The following HIVEP3 variants were observed in gnomAD, a reference collection of about 807,000 sequenced individuals.
HIVEP3 encodes HIVEP zinc finger 3.
HIVEP3 carries 49 observed loss-of-function variants against 152.8 expected under a neutral mutation model. The ratio of observed to expected loss-of-function variants is 0.32; its 90% CI spans 0.26 to 0.41. HIVEP3 has a LOEUF of 0.41. Among genes scored for constraint, HIVEP3 ranks in the 10% least tolerant of loss-of-function variants. HIVEP3 has a pLI of 1.00. For synonymous variants in HIVEP3, 1,269 were observed against 1,289.0 expected (o/e 0.98, Z 0.33); for missense variants, 2,790 against 3,103.3 (o/e 0.90, Z 2.40).
intron 5 of HIVEP3, among the ~76,000 whole-genome samples, chr1:41,552,336 T>C (rs1362742219): frequency 3.3e-5 from 5 of 149,840 alleles, no homozygotes. Flanking sequence ...CATCTAGCAT[T>C]AGGTATATCT....
chr1:42,034,759 T>G (rs1645631774), intron 1 of HIVEP3, among the ~76,000 whole-genome samples: 3 of 152,170 alleles, frequency 2.0e-5, no homozygotes, highest in Admixed American at 2.0e-4. Context: ...TAAACCTCAG[T>G]GTTTTTCTTA....
At chr1:42,003,865 C>G (rs1221669592) in intron 1 of HIVEP3, among the ~76,000 whole-genome samples, 1 of 151,720 alleles carries the variant, frequency 6.6e-6, no homozygotes, top group Non-Finnish European at 1.5e-5. Flanking sequence ...CTGGGGGAGA[C>G]ATAAGCTTGA....
intron 1 of HIVEP3, among the ~76,000 whole-genome samples, chr1:41,866,492 G>A (rs961264598): frequency 2.0e-5 from 3 of 152,340 alleles, no homozygotes; most frequent in African/African-American, 7.2e-5. Flanking sequence ...CAGGCTGCTT[G>A]CCAAGGATTC....
chr1:41,611,097 G>A (rs1644890677), intron 3 of HIVEP3, among the ~76,000 whole-genome samples: 1 of 152,214 alleles, frequency 6.6e-6, no homozygotes, highest in Admixed American at 6.5e-5. Context: ...GTGACCCTTT[G>A]AGAAAATTAC....
chr1:41,834,200 G>A (rs1181226320), intron 1 of HIVEP3, among the ~76,000 whole-genome samples: 3 of 152,194 alleles, frequency 2.0e-5, no homozygotes, highest in African/African-American at 7.2e-5. Flanking sequence ...TTGGGGACAG[G>A]AGGGGTGATG....
chr1:41,822,989 A>G (rs535451631), intron 1 of HIVEP3, among the ~76,000 whole-genome samples: 4 of 152,376 alleles, frequency 2.6e-5, no homozygotes, highest in African/African-American at 9.6e-5. Flanking sequence ...CTAACTCTCA[A>G]TGTGACTTTA....
At chr1:41,786,914 G>A (rs1044284977) in intron 1 of HIVEP3, among the ~76,000 whole-genome samples, 4 of 151,906 alleles carry the variant, frequency 2.6e-5, no homozygotes, top group African/African-American at 9.7e-5. Context: ...ACCACGTCCA[G>A]CTAATTTTTG....
chr1:41,582,376 T>C lies in HIVEP3; in HGVS notation c.2422A>G (p.Lys808Glu), dbSNP rs1644427043. ...SVIQHTSSFE[K>E]SDSLEQPSGL... ...CTCGGCTGCTCGAGAGAATCAGATTTCTCAAAGGAGCTGGTGTGCTGGATG... is the reference window on the plus strand; with the variant it reads ...CTCGGCTGCTCGAGAGAATCAGATTCCTCAAAGGAGCTGGTGTGCTGGATG... Residue 808 changes from lysine to glutamate, a missense_variant, in exon 4 of 9, where the codon AAA (lysine) becomes GAA (glutamate). Physicochemically the swap from Lys to Glu is moderately conservative, Grantham distance 56 (BLOSUM62 1). Around this residue, in one of 9 missense-constraint regions of HIVEP3, gnomAD observed 1,078 missense variants for 1,165.3 expected, o/e 0.93. Coordinates refer to ENST00000372583, the MANE Select transcript of HIVEP3 (RefSeq NM_024503.5). This position sits in a 1 kb window ranked among gnomAD's most constrained non-coding sequence, Gnocchi z 4.7. 6.2e-7 allele frequency: 1 copy of C among 1,614,074 alleles called. No homozygotes were observed. The highest frequency in any genetic ancestry group is 1.7e-5 in the Admixed American group (1 of 60,004).
At chr1:41,896,156 C>A (rs1012219105) in intron 1 of HIVEP3, among the ~76,000 whole-genome samples, 11 of 152,090 alleles carry the variant, frequency 7.2e-5, no homozygotes, top group African/African-American at 2.7e-4. Context: ...TGACATGTGG[C>A]GAATCCCTGG....
chr1:41,889,703 G>A (rs1181069309), intron 1 of HIVEP3, among the ~76,000 whole-genome samples: 1 of 152,200 alleles, frequency 6.6e-6, no homozygotes, highest in Admixed American at 6.5e-5. Context: ...GCCCTGTGGG[G>A]AATGAGGGCA....
intron 1 of HIVEP3, among the ~76,000 whole-genome samples, chr1:41,941,773 T>C (rs552627602): frequency 6.6e-6 from 1 of 152,332 alleles, no homozygotes; most frequent in East Asian, 1.9e-4. Context: ...GAAGAAGCCA[T>C]GAATTGCCCA....
intron 1 of HIVEP3, among the ~76,000 whole-genome samples, chr1:41,740,811 C>T (rs551368424): frequency 6.6e-6 from 1 of 152,158 alleles, no homozygotes. Flanking sequence ...ACCATTCATC[C>T]ACAGATGTGT....
chr1:41,837,899 T>C (rs944442407), intron 1 of HIVEP3, among the ~76,000 whole-genome samples: 3 of 152,136 alleles, frequency 2.0e-5, no homozygotes, highest in Non-Finnish European at 2.9e-5. Context: ...CCTTCTATCT[T>C]AGCAACAATC....
At chr1:41,791,460 T>A (rs1016358870) in intron 1 of HIVEP3, among the ~76,000 whole-genome samples, 1 of 152,236 alleles carries the variant, frequency 6.6e-6, no homozygotes, top group African/African-American at 2.4e-5. Context: ...GGAGCACAGA[T>A]GGCTGCATGG....
chr1:41,525,783 C>T (rs1454903811), intron 5 of HIVEP3, among the ~76,000 whole-genome samples: 2 of 152,198 alleles, frequency 1.3e-5, no homozygotes, highest in Non-Finnish European at 2.9e-5. Context: ...GCAACAGGAT[C>T]ACGATGAAGC....
chr1:41,734,691 G>T (rs1189964182), intron 1 of HIVEP3, among the ~76,000 whole-genome samples: 1 of 152,156 alleles, frequency 6.6e-6, no homozygotes, highest in Non-Finnish European at 1.5e-5. Context: ...AGGTGGGTTG[G>T]GCAGTAGGAA....
At chr1:41,705,066 T>TA (rs1646413388) in intron 1 of HIVEP3, among the ~76,000 whole-genome samples, 1 of 152,240 alleles carries the variant, frequency 6.6e-6, no homozygotes, top group Non-Finnish European at 1.5e-5. Flanking sequence ...GGTTCTGGTA[T>TA]AAAGGATCAC....
intron 1 of HIVEP3, among the ~76,000 whole-genome samples, chr1:41,883,711 T>C (rs1234186972): frequency 6.6e-6 from 1 of 152,154 alleles, no homozygotes; most frequent in Non-Finnish European, 1.5e-5. Flanking sequence ...AAGTTGCTGT[T>C]GGCACGGCCT....
intron 5 of HIVEP3, among the ~76,000 whole-genome samples, chr1:41,547,427 G>T: frequency 6.6e-6 from 1 of 152,296 alleles, no homozygotes; most frequent in East Asian, 1.9e-4. Context: ...GAATGGGGGT[G>T]CCTGGCCTGG....
Sources: allele counts gnomAD v4.1 joint callset (sites outside exome capture counted in the v4.1 genomes callset), GRCh38; gene constraint gnomAD v4.1.1; regional missense constraint gnomAD v4.1.1; non-coding constraint Gnocchi (gnomAD v3.1); transcripts MANE v1.5; gene names NCBI Gene and HGNC (gene_info 2026-07-23, HGNC 2026-07-21).